The following TENM3 variants were observed in gnomAD, a reference collection of about 807,000 sequenced individuals.
TENM3 encodes teneurin-3.
Under a neutral mutation model 255.1 loss-of-function variants are expected in TENM3, and 63 were observed. That is an observed-to-expected ratio of 0.25 (90% CI 0.20 to 0.30). The LOEUF (loss-of-function observed/expected upper bound fraction) is 0.30. TENM3 is among the 10% of genes least tolerant of loss of function. The pLI, the probability that TENM3 is intolerant of heterozygous loss-of-function variation, is 1.00. For synonymous variants in TENM3, 1,306 were observed against 1,322.3 expected (o/e 0.99, Z 0.27); for missense variants, 2,929 against 3,461.1 (o/e 0.85, Z 3.86).
At chr4:181,908,848 A>G in the TENM3 span, among the ~76,000 whole-genome samples, 1 of 152,254 alleles carries the variant, frequency 6.6e-6, no homozygotes, top group Admixed American at 6.5e-5. Flanking sequence ...AATATACCTC[A>G]AAGACAGAGC....
the TENM3 span, among the ~76,000 whole-genome samples, chr4:181,867,186 A>G: frequency 2.6e-5 from 4 of 152,188 alleles, no homozygotes; most frequent in Admixed American, 6.5e-5. Flanking sequence ...CGAGTGACTT[A>G]ATCGCTACTC....
intron 3 of TENM3, among the ~76,000 whole-genome samples, chr4:182,405,481 A>G (rs1769505006): frequency 6.6e-6 from 1 of 152,248 alleles, no homozygotes; most frequent in South Asian, 2.1e-4. Flanking sequence ...ACAAATGGAT[A>G]GTACCCATCA....
At chr4:181,583,768 G>T in the TENM3 span, among the ~76,000 whole-genome samples, 1 of 152,106 alleles carries the variant, frequency 6.6e-6, no homozygotes, top group Non-Finnish European at 1.5e-5. Context: ...CTTTCGAAAC[G>T]TTCAGACACA....
the TENM3 span, among the ~76,000 whole-genome samples, chr4:182,015,103 C>T: frequency 5.9e-5 from 9 of 152,104 alleles, no homozygotes. Context: ...GGAAGAATTC[C>T]CCTGCTCTAC....
chr4:182,695,621 G>A (rs1038667686), intron 12 of TENM3, among the ~76,000 whole-genome samples: 18 of 152,116 alleles, frequency 1.2e-4, no homozygotes, highest in Non-Finnish European at 2.2e-4. Flanking sequence ...CTAGTGACAC[G>A]AAAGTACAGG....
At chr4:181,555,821 T>C in the TENM3 span, among the ~76,000 whole-genome samples, 1 of 152,220 alleles carries the variant, frequency 6.6e-6, no homozygotes, top group Admixed American at 6.5e-5. Context: ...GCATACATCA[T>C]ACATCACTTC....
chr4:182,472,725 C>T (rs1733254232), intron 3 of TENM3, among the ~76,000 whole-genome samples: 1 of 129,844 alleles, frequency 7.7e-6, no homozygotes, highest in Admixed American at 7.5e-5. Flanking sequence ...TGTTATATCA[C>T]AATTTTTTTT....
chr4:182,435,192 TG>T (rs1205409294), intron 3 of TENM3, among the ~76,000 whole-genome samples: 1 of 152,238 alleles, frequency 6.6e-6, no homozygotes, highest in Non-Finnish European at 1.5e-5. Flanking sequence ...CACGGTTTTA[TG>T]GAAGTTACGG....
At chr4:182,648,386 C>A (rs1268344907) in intron 5 of TENM3, among the ~76,000 whole-genome samples, 1 of 151,312 alleles carries the variant, frequency 6.6e-6, no homozygotes, top group Non-Finnish European at 1.5e-5. Flanking sequence ...CAGGTTCAAG[C>A]GATTCTCCTG....
At chr4:182,441,157 T>G (rs1772450713) in intron 3 of TENM3, among the ~76,000 whole-genome samples, 1 of 152,120 alleles carries the variant, frequency 6.6e-6, no homozygotes, top group Non-Finnish European at 1.5e-5. Context: ...AGATCATGTA[T>G]TAAGTTTATG....
At chr4:181,689,293 C>A in the TENM3 span, among the ~76,000 whole-genome samples, 1 of 152,158 alleles carries the variant, frequency 6.6e-6, no homozygotes, top group South Asian at 2.1e-4. Context: ...TTTTAAAATC[C>A]AATTTCTGAC....
At chr4:182,070,409 G>A in the TENM3 span, among the ~76,000 whole-genome samples, 4 of 152,094 alleles carry the variant, frequency 2.6e-5, no homozygotes, top group Non-Finnish European at 4.4e-5. Context: ...ACTCGAGGTC[G>A]GGAGTTCAAG....
At chr4:181,737,706 C>T in the TENM3 span, among the ~76,000 whole-genome samples, 1 of 151,938 alleles carries the variant, frequency 6.6e-6, no homozygotes, top group Admixed American at 6.6e-5. Context: ...ATAACTTGCA[C>T]ATAACCACAA....
At chr4:181,457,392 G>C in the TENM3 span, among the ~76,000 whole-genome samples, 1 of 151,592 alleles carries the variant, frequency 6.6e-6, no homozygotes, top group Admixed American at 6.6e-5. Flanking sequence ...ATTTATTTTG[G>C]AAGTTCAAGT....
chr4:181,786,301 T>G, the TENM3 span, among the ~76,000 whole-genome samples: 15 of 152,114 alleles, frequency 9.9e-5, no homozygotes, highest in African/African-American at 3.6e-4. Context: ...TCACTGAAAA[T>G]CTAGCAAAAG....
the TENM3 span, among the ~76,000 whole-genome samples, chr4:181,562,817 A>G: frequency 2.0e-5 from 3 of 151,896 alleles, no homozygotes; most frequent in African/African-American, 4.8e-5. Flanking sequence ...TGGGATTACA[A>G]GTGCCCATCA....
intron 3 of TENM3, among the ~76,000 whole-genome samples, chr4:182,564,430 A>T (rs1743549997): frequency 6.6e-6 from 1 of 152,176 alleles, no homozygotes; most frequent in East Asian, 1.9e-4. Context: ...CTGGGATTAC[A>T]GGCTGTCACC....
In TENM3 at chr4:182,649,479, T is replaced by C. The variant is rs1199737790; in HGVS notation, c.989-4292T>C. Among the ~76,000 whole-genome samples, 5 of 150,582 alleles carry C rather than the reference T, an allele frequency of 3.3e-5. 1 individual carries two copies. The South Asian group carries it at 1.1e-3, about 33-fold the overall frequency. On this transcript the variant is annotated intron_variant, in intron 5 of 27. Transcript: ENST00000511685. The stretch of plus-strand genomic sequence containing the variant: ...ACTATTATATTCACCTAGAAATACA[T>C]GGAAGTGACATAAAACTAAGAAGCA...
chr4:181,786,103 C>T, the TENM3 span, among the ~76,000 whole-genome samples: 3 of 152,234 alleles, frequency 2.0e-5, no homozygotes, highest in African/African-American at 7.2e-5. Flanking sequence ...AAATGCTACA[C>T]CAGTTGAATT....
Sources: gnomAD v4.1 joint callset for allele counts (sites outside exome capture counted in the v4.1 genomes callset) on GRCh38, gnomAD v4.1.1 for gene constraint, MANE v1.5 for transcripts, NCBI Gene and HGNC (gene_info 2026-07-23, HGNC 2026-07-21) for gene names.